Variants in LRRTM3 observed in about 807,000 individuals in gnomAD.
LRRTM3 encodes the protein leucine-rich repeat transmembrane neuronal protein 3.
A neutral mutation model predicts 44.7 loss-of-function variants in LRRTM3; 24 were observed. The ratio of observed to expected loss-of-function variants is 0.54; its 90% CI spans 0.39 to 0.76. The LOEUF is 0.76. LRRTM3 is among the 30% of genes least tolerant of loss of function. The pLI, the probability that LRRTM3 is intolerant of heterozygous loss-of-function variation, is 0.00. For missense variants in LRRTM3, 587 were observed against 702.2 expected (o/e 0.84, Z 1.85); for synonymous variants, 277 against 278.7 (o/e 0.99, Z 0.06).
Position 66,927,965 on chromosome 10 carries a change from A to G in LRRTM3, c.1049A>G (p.Asn350Ser). Reference sequence around the variant, plus strand: ...AGTCCCAAAGAGCTGCAAGGAGTAAATGTGATCGATGCAGTGAAGAACTAC... The same window carrying G: ...AGTCCCAAAGAGCTGCAAGGAGTAAGTGTGATCGATGCAGTGAAGAACTAC... ...CASPKELQGV[N>S]VIDAVKNYSI... The change falls in exon 2 of 3, where the codon AAT becomes AGT. Residue 350 changes from asparagine (N) to serine (S), a missense_variant. Physicochemically the swap from Asn to Ser is conservative, Grantham distance 46. Transcript: ENST00000361320. This position sits in a 1 kb window ranked among gnomAD's most constrained non-coding sequence, Gnocchi z 4.7. 1.9e-6 allele frequency: 3 copies of G among 1,614,232 alleles called. No individual in the cohort carries two copies. Among genetic ancestry groups the G allele is most frequent in the Non-Finnish European group, 2.5e-6 (3 of 1,180,040 alleles).
chr10:67,049,660 G>A (rs1854961857), intron 2 of LRRTM3, among the ~76,000 whole-genome samples: 1 of 152,052 alleles, frequency 6.6e-6, no homozygotes, highest in Non-Finnish European at 1.5e-5. Context: ...GAATTTTCAG[G>A]GGTAGAATTT....
intron 2 of LRRTM3, among the ~76,000 whole-genome samples, chr10:66,968,161 A>G (rs533771095): frequency 6.6e-6 from 1 of 152,188 alleles, no homozygotes; most frequent in African/African-American, 2.4e-5. Flanking sequence ...ATTAGATAGA[A>G]TTACTCAAGA....
intron 2 of LRRTM3, among the ~76,000 whole-genome samples, chr10:66,978,552 A>ATATATAT (rs1197845049): frequency 3.7e-4 from 14 of 37,882 alleles, no homozygotes; most frequent in African/African-American, 7.8e-4. Context: ...AAAAAAAAAA[A>ATATATAT]ATATATATAT....
intron 2 of LRRTM3, among the ~76,000 whole-genome samples, chr10:66,953,338 A>G (rs1056978621): frequency 1.3e-5 from 2 of 152,234 alleles, no homozygotes; most frequent in Admixed American, 6.5e-5. Context: ...AAAGACAAAA[A>G]TCTTCCCTAG....
intron 2 of LRRTM3, among the ~76,000 whole-genome samples, chr10:66,963,106 A>T (rs1287452431): frequency 2.0e-5 from 3 of 152,144 alleles, no homozygotes; most frequent in African/African-American, 7.2e-5. Flanking sequence ...ATTAACCAAA[A>T]TTATTTTAAA....
At chr10:67,085,772 AC>A (rs1337873660) in intron 2 of LRRTM3, among the ~76,000 whole-genome samples, 1 of 151,974 alleles carries the variant, frequency 6.6e-6, no homozygotes, top group Non-Finnish European at 1.5e-5. Context: ...GAATTTTCAA[AC>A]TTTTACTAAT....
intron 2 of LRRTM3, among the ~76,000 whole-genome samples, chr10:67,032,940 G>C (rs991195356): frequency 1.3e-5 from 2 of 152,106 alleles, no homozygotes; most frequent in Admixed American, 1.3e-4. Context: ...CATGGAATCT[G>C]AAGTGATTCA....
At chr10:66,978,960 CTTTT>C (rs34112681) in intron 2 of LRRTM3, among the ~76,000 whole-genome samples, 2 of 83,780 alleles carry the variant, frequency 2.4e-5, no homozygotes, top group Non-Finnish European at 4.4e-5. Flanking sequence ...TACTTATTTC[CTTTT>C]TTTTTTTTTT....
chr10:66,934,854 G>T (rs568869913), intron 2 of LRRTM3, among the ~76,000 whole-genome samples: 3 of 152,024 alleles, frequency 2.0e-5, no homozygotes, highest in Non-Finnish European at 4.4e-5. Flanking sequence ...ATCTATGCAG[G>T]GTGGAAAATA....
intron 2 of LRRTM3, among the ~76,000 whole-genome samples, chr10:66,986,063 A>T (rs1426845403): frequency 2.0e-5 from 3 of 152,112 alleles, no homozygotes; most frequent in Admixed American, 6.6e-5. Flanking sequence ...TTGTACTTAC[A>T]ATTTTGATAT....
intron 2 of LRRTM3, among the ~76,000 whole-genome samples, chr10:67,081,724 T>C (rs1259226348): frequency 6.6e-6 from 1 of 152,194 alleles, no homozygotes; most frequent in Non-Finnish European, 1.5e-5. Flanking sequence ...CTCATGCCTC[T>C]GCACTTCTGC....
In LRRTM3 at chr10:67,015,107, A is replaced by T. The variant is rs74480155; in HGVS notation, c.1537-82480A>T. ...TCATCTGTCTATTTCAACATTAGGT[A>T]GTAGCTATTAACCCCATGCTATGTA... On this transcript the variant is annotated intron_variant, in intron 2 of 2. Transcript: ENST00000361320. 7.8e-3 allele frequency among the ~76,000 whole-genome samples: 1,182 copies of T among 152,256 alleles called. 41 individuals are homozygous for T. The East Asian group carries it at 0.11, about 14-fold the overall frequency.
intron 2 of LRRTM3, among the ~76,000 whole-genome samples, chr10:66,947,075 G>T (rs1016698788): frequency 3.3e-5 from 5 of 151,874 alleles, no homozygotes; most frequent in Non-Finnish European, 5.9e-5. Flanking sequence ...ATCTCTCCAG[G>T]GCAGCCTTCT....
In LRRTM3 at chr10:67,051,464, T is replaced by TTTTTTC. The variant is rs1855092899; in HGVS notation, c.1537-46118_1537-46117insCTTTTT. Among the ~76,000 whole-genome samples, 9 of 4,216 alleles carry TTTTTTC rather than the reference T, an allele frequency of 2.1e-3. No individual in the cohort carries two copies. In the South Asian group the frequency reaches 0.042, roughly 20 times the overall value. 2.8% of individuals were successfully genotyped at this position (4,216 alleles called of 152,430 possible). On this transcript the variant is annotated intron_variant, in intron 2 of 2. Coordinates refer to ENST00000361320, the MANE Select transcript of LRRTM3 (RefSeq NM_178011.5). ...CATCTTTTTTCTTTTTTCTTTTTTCTTTTTTTTTTTTTGGTGACGGAGTCT... is the reference window on the plus strand; with the variant it reads ...CATCTTTTTTCTTTTTTCTTTTTTCTTTTTTCTTTTTTTTTTTTGGTGACGGAGTCT...
chr10:66,931,868 T>C (rs2132643088), intron 2 of LRRTM3, among the ~76,000 whole-genome samples: 1 of 152,358 alleles, frequency 6.6e-6, no homozygotes, highest in African/African-American at 2.4e-5. Context: ...TACTCATCGA[T>C]GCTGGCTAAG....
chr10:66,997,533 TC>T (rs1404957763), intron 2 of LRRTM3, among the ~76,000 whole-genome samples: 3 of 152,192 alleles, frequency 2.0e-5, no homozygotes, highest in African/African-American at 7.2e-5. Context: ...AACTTTTAGA[TC>T]CCTGCTATTT....
At chr10:66,990,008 T>G (rs1850956782) in intron 2 of LRRTM3, among the ~76,000 whole-genome samples, 1 of 152,176 alleles carries the variant, frequency 6.6e-6, no homozygotes, top group African/African-American at 2.4e-5. Flanking sequence ...ACATATATAT[T>G]ATACGAAGAG....
At chr10:66,934,943 T>C (rs1007796789) in intron 2 of LRRTM3, among the ~76,000 whole-genome samples, 1 of 152,074 alleles carries the variant, frequency 6.6e-6, no homozygotes, top group Non-Finnish European at 1.5e-5. Flanking sequence ...AGCTTATTAA[T>C]GAAGTGGGAG....
At chr10:67,080,688 T>C (rs1485343492) in intron 2 of LRRTM3, among the ~76,000 whole-genome samples, 1 of 151,922 alleles carries the variant, frequency 6.6e-6, no homozygotes, top group Non-Finnish European at 1.5e-5. Context: ...GGCGGGCGGA[T>C]CACGAGGTCA....
Sources: allele counts gnomAD v4.1 joint callset (sites outside exome capture counted in the v4.1 genomes callset), GRCh38; gene constraint gnomAD v4.1.1; non-coding constraint Gnocchi (gnomAD v3.1); transcripts MANE v1.5; gene names NCBI Gene and HGNC (gene_info 2026-07-23, HGNC 2026-07-21).